Variants in NAALADL2 observed in about 807,000 individuals in gnomAD.
NAALADL2 encodes the protein inactive N-acetylated-alpha-linked acidic dipeptidase-like protein 2.
Under a neutral mutation model 87.2 loss-of-function variants are expected in NAALADL2, and 76 were observed. The ratio of observed to expected loss-of-function variants is 0.87; its 90% CI spans 0.72 to 1.05. NAALADL2 has a LOEUF of 1.05. Ranked by LOEUF, NAALADL2 falls within the 50% of genes least tolerant of loss-of-function variation. The probability of loss-of-function intolerance (pLI) is 0.00; values close to 1 mark genes in which losing one functional copy is unlikely to be tolerated. For synonymous variants in NAALADL2, 354 were observed against 331.0 expected (o/e 1.07, Z -0.75); for missense variants, 1,089 against 945.8 (o/e 1.15, Z -1.99).
At chr3:175,170,925 A>G (rs1734712990) in intron 2 of NAALADL2, among the ~76,000 whole-genome samples, 1 of 151,958 alleles carries the variant, frequency 6.6e-6, no homozygotes, top group Non-Finnish European at 1.5e-5. Context: ...GAAATATACT[A>G]AAATGCTAGT....
chr3:175,589,567 C>T (rs908652053), intron 10 of NAALADL2, among the ~76,000 whole-genome samples: 1 of 151,530 alleles, frequency 6.6e-6, no homozygotes, highest in African/African-American at 2.4e-5. Context: ...TATAGCTTTT[C>T]ATGTTATTTA....
At chr3:174,526,420 G>C (rs1429372079) in intron 1 of NAALADL2, among the ~76,000 whole-genome samples, 5 of 152,134 alleles carry the variant, frequency 3.3e-5, no homozygotes, top group African/African-American at 1.2e-4. Flanking sequence ...GGTATAATGA[G>C]AGTAATAATA....
intron 7 of NAALADL2, among the ~76,000 whole-genome samples, chr3:175,465,328 G>A (rs1723824312): frequency 6.6e-6 from 1 of 151,150 alleles, no homozygotes; most frequent in Admixed American, 6.6e-5. Context: ...TAATCAATTA[G>A]CATTGTTTCT....
chr3:174,900,521 T>G (rs1732177869), intron 1 of NAALADL2, among the ~76,000 whole-genome samples: 1 of 152,034 alleles, frequency 6.6e-6, no homozygotes, highest in East Asian at 1.9e-4. Context: ...TAGATAAAAA[T>G]CCTTAAAATT....
At chr3:174,805,823 T>C (rs1719402891) in intron 3 of NAALADL2, among the ~76,000 whole-genome samples, 1 of 152,120 alleles carries the variant, frequency 6.6e-6, no homozygotes, top group Admixed American at 6.6e-5. Context: ...AGAAGAAAAA[T>C]TCTGCTTCAT....
chr3:175,640,652 T>A (rs1729156179), intron 11 of NAALADL2, among the ~76,000 whole-genome samples: 1 of 152,162 alleles, frequency 6.6e-6, no homozygotes, highest in Admixed American at 6.5e-5. Context: ...CTCTTTTTAT[T>A]CACAATAGCA....
intron 10 of NAALADL2, among the ~76,000 whole-genome samples, chr3:175,626,460 T>A (rs1425126031): frequency 6.6e-6 from 1 of 151,852 alleles, no homozygotes; most frequent in Non-Finnish European, 1.5e-5. Flanking sequence ...ATAATGTAGT[T>A]CATAGTTGAT....
chr3:175,391,924 C>T (rs997144363), intron 5 of NAALADL2, among the ~76,000 whole-genome samples: 7 of 152,104 alleles, frequency 4.6e-5, no homozygotes, highest in African/African-American at 1.7e-4. Context: ...AACAATGTGT[C>T]AAGCATTGTT....
chr3:175,528,482 T>G (rs553114589), intron 9 of NAALADL2, among the ~76,000 whole-genome samples: 1 of 151,954 alleles, frequency 6.6e-6, no homozygotes, highest in Admixed American at 6.6e-5. Context: ...ACTCAAATGC[T>G]AATCTTCTTT....
intron 3 of NAALADL2, among the ~76,000 whole-genome samples, chr3:174,812,756 T>C (rs1294144403): frequency 1.3e-5 from 2 of 151,910 alleles, no homozygotes. Flanking sequence ...CTAATGTGTG[T>C]ATTTGTGTCT....
At chr3:174,730,579 G>A (rs770300792) in intron 2 of NAALADL2, among the ~76,000 whole-genome samples, 9 of 152,024 alleles carry the variant, frequency 5.9e-5, no homozygotes, top group Non-Finnish European at 1.2e-4. Flanking sequence ...GAGAACTAAC[G>A]GATATTTTAT....
At chr3:174,463,066 A>C (rs920031923) in intron 1 of NAALADL2, among the ~76,000 whole-genome samples, 4 of 152,220 alleles carry the variant, frequency 2.6e-5, no homozygotes, top group Non-Finnish European at 4.4e-5. Context: ...CCTTCTTTAG[A>C]AGAATGCTAT....
chr3:174,719,063 T>G (rs765289460), intron 2 of NAALADL2, among the ~76,000 whole-genome samples: 4 of 152,198 alleles, frequency 2.6e-5, no homozygotes, highest in Non-Finnish European at 2.9e-5. Flanking sequence ...TTGCTGCACA[T>G]GAAGACGACT....
intron 3 of NAALADL2, among the ~76,000 whole-genome samples, chr3:175,251,521 A>G (rs1749065754): frequency 6.6e-6 from 1 of 152,226 alleles, no homozygotes; most frequent in African/African-American, 2.4e-5. Context: ...CATTTCCCAT[A>G]GAGACCAGTA....
At chr3:175,300,739 G>GGATT (rs1560315549) in intron 4 of NAALADL2, among the ~76,000 whole-genome samples, 1 of 111,016 alleles carries the variant, frequency 9.0e-6, no homozygotes, top group Non-Finnish European at 2.2e-5. Flanking sequence ...ACCATCTCCT[G>GGATT]GATTTATTTA....
intron 2 of NAALADL2, among the ~76,000 whole-genome samples, chr3:175,194,161 A>G (rs1462049238): frequency 6.6e-6 from 1 of 151,892 alleles, no homozygotes; most frequent in Non-Finnish European, 1.5e-5. Context: ...ATATGTATAT[A>G]TTTTTAAATG....
chr3:175,783,420 C>A (rs370295861), intron 13 of NAALADL2, among the ~76,000 whole-genome samples: 50,461 of 147,444 alleles, frequency 0.34, 10,633 homozygotes, highest in African/African-American at 0.6. Context: ...GAGGTCCTTC[C>A]CATCCCTTGT....
At chr3:175,012,542 A>AT (rs1246048397) in intron 1 of NAALADL2, among the ~76,000 whole-genome samples, 3 of 152,034 alleles carry the variant, frequency 2.0e-5, no homozygotes, top group East Asian at 3.9e-4. Flanking sequence ...CAGTAAAATA[A>AT]TTTTTTTATT....
intron 4 of NAALADL2, among the ~76,000 whole-genome samples, chr3:175,303,740 A>G (rs1403619456): frequency 6.6e-6 from 1 of 152,220 alleles, no homozygotes; most frequent in Non-Finnish European, 1.5e-5. Context: ...CATGATTCTC[A>G]TATTTTTCAC....
Sources: gnomAD v4.1 joint callset for allele counts (sites outside exome capture counted in the v4.1 genomes callset) on GRCh38, gnomAD v4.1.1 for gene constraint, MANE v1.5 for transcripts, NCBI Gene and HGNC (gene_info 2026-07-23, HGNC 2026-07-21) for gene names.